The following HOMER2 variants were observed in gnomAD, a reference collection of about 807,000 sequenced individuals.
The protein encoded by HOMER2 is homer scaffold protein 2.
In HOMER2, 27 loss-of-function variants were observed where a neutral mutation model predicts 47.0. The observed-to-expected ratio is 0.57, with a 90% CI of 0.42 to 0.79. The LOEUF is 0.79. HOMER2 is among the 30% of genes least tolerant of loss of function. HOMER2 has a pLI of 0.00. For synonymous variants in HOMER2, 161 were observed against 163.8 expected, an observed-to-expected ratio of 0.98 and a Z score of 0.13; for missense variants, 443 against 435.0, an observed-to-expected ratio of 1.02 and a Z score of -0.16.
At chr15:82,956,186 G>A (rs145305390), upstream of HOMER2, among the ~76,000 whole-genome samples, 290 of 150,146 alleles carry the variant, frequency 1.9e-3, 2 homozygotes, top group Middle Eastern at 0.021. Context: ...GTTGCAGTGA[G>A]CTGAGATTGC....
At chr15:82,882,139 G>A (rs1224717982) in intron 2 of HOMER2, among the ~76,000 whole-genome samples, 1 of 152,228 alleles carries the variant, frequency 6.6e-6, no homozygotes, top group Admixed American at 6.5e-5. Context: ...GCAGTGCTCT[G>A]AGAAGCTGGG....
intron 1 of HOMER2, among the ~76,000 whole-genome samples, chr15:82,936,254 C>A (rs1054692588): frequency 4.6e-5 from 7 of 152,208 alleles, no homozygotes; most frequent in Non-Finnish European, 8.8e-5. Flanking sequence ...CATCTCACAA[C>A]CACACATTCT....
upstream of HOMER2, chr15:82,986,122 T>C: frequency 2.0e-6 from 2 of 985,042 alleles, no homozygotes; most frequent in South Asian, 9.4e-5. Context: ...GAAGAAGCGA[T>C]CTGTTGCAAA....
At chr15:82,919,514 A>G (rs2053675558) in intron 1 of HOMER2, among the ~76,000 whole-genome samples, 1 of 152,160 alleles carries the variant, frequency 6.6e-6, no homozygotes. Context: ...ATAATAATCC[A>G]ATTATCCAAC....
At chr15:82,922,103 G>A (rs1481984467) in intron 1 of HOMER2, among the ~76,000 whole-genome samples, 1 of 152,138 alleles carries the variant, frequency 6.6e-6, no homozygotes, top group African/African-American at 2.4e-5. Flanking sequence ...TCCTATTGGT[G>A]GGAGGTTGGA....
At chr15:82,972,454 C>A (rs1220281169) in intron 1 of HOMER2, among the ~76,000 whole-genome samples, 1 of 152,136 alleles carries the variant, frequency 6.6e-6, no homozygotes, top group Non-Finnish European at 1.5e-5. Flanking sequence ...ATAGAAAATT[C>A]TTCTCCTGCC....
At chr15:82,908,259 ATGTATATTATGTGAAT>A (rs979696054) in intron 1 of HOMER2, among the ~76,000 whole-genome samples, 8 of 152,166 alleles carry the variant, frequency 5.3e-5, no homozygotes, top group East Asian at 1.9e-4. Flanking sequence ...TGTATAATGA[ATGTATATTATGTGAAT>A]TGTATATTAT....
intron 2 of HOMER2, among the ~76,000 whole-genome samples, chr15:82,880,233 T>C (rs1437170983): frequency 6.6e-6 from 1 of 152,244 alleles, no homozygotes; most frequent in Non-Finnish European, 1.5e-5. Flanking sequence ...AAGAGTCAAA[T>C]ATCTGCAGCA....
At chr15:82,889,396 G>T (rs1260532488) in intron 2 of HOMER2, among the ~76,000 whole-genome samples, 7 of 152,250 alleles carry the variant, frequency 4.6e-5, no homozygotes, top group African/African-American at 1.7e-4. Context: ...TGGGTAGCCA[G>T]TGAACATGGA....
intron 1 of HOMER2, among the ~76,000 whole-genome samples, chr15:82,944,974 C>T (rs143246996): frequency 2.0e-5 from 3 of 152,038 alleles, no homozygotes; most frequent in African/African-American, 7.2e-5. Context: ...ATTACTCGGC[C>T]CTGATATTTC....
intron 1 of HOMER2, among the ~76,000 whole-genome samples, chr15:82,935,151 G>A (rs1488185008): frequency 2.0e-5 from 3 of 152,042 alleles, no homozygotes; most frequent in South Asian, 2.1e-4. Flanking sequence ...GCTTCCCTCC[G>A]CACCTGCGCC....
intron 1 of HOMER2, among the ~76,000 whole-genome samples, chr15:82,946,889 C>T (rs774099451): frequency 4.6e-5 from 7 of 152,326 alleles, no homozygotes; most frequent in East Asian, 1.9e-4. Context: ...CAATGTACCA[C>T]GGCATCTTTC....
intron 1 of HOMER2, among the ~76,000 whole-genome samples, chr15:82,894,216 G>A (rs562692042): frequency 2.0e-5 from 3 of 152,052 alleles, no homozygotes; most frequent in Non-Finnish European, 2.9e-5. Flanking sequence ...TTGACAATAC[G>A]CATTTAGAAA....
chr15:82,875,393 G>A lies in HOMER2; in HGVS notation c.174C>T (p.Asn58=), dbSNP rs1277428785. ...ISVDGAKVII[N]STITPNMTFT... ...AGGTCATATTCGGTGTGATTGTGCT[G>A]TTTATGATCACCTGCAGAAAAACAG... The change falls in exon 3 of 9, where the codon AAC becomes AAT. Residue 58 remains asparagine (N), a synonymous_variant. Coordinates refer to ENST00000450735, the MANE Select transcript of HOMER2 (RefSeq NM_004839.4). 2.5e-6 allele frequency: 4 copies of A among 1,613,872 alleles called. No individual in the cohort carries two copies. The highest frequency in any genetic ancestry group is 3.4e-6 in the Non-Finnish European group (4 of 1,179,838).
intron 2 of HOMER2, among the ~76,000 whole-genome samples, chr15:82,876,926 G>A (rs777364106): frequency 2.0e-5 from 3 of 152,028 alleles, no homozygotes; most frequent in Non-Finnish European, 4.4e-5. Flanking sequence ...CATTGCTCTT[G>A]CTAGATCTAC....
chr15:82,893,046 T>C (rs1269446198), intron 1 of HOMER2, among the ~76,000 whole-genome samples: 1 of 152,186 alleles, frequency 6.6e-6, no homozygotes, highest in African/African-American at 2.4e-5. Flanking sequence ...TCCACTTAGC[T>C]GTTATCCCGA....
chr15:82,855,058 C>T (rs779573578), intron 5 of HOMER2, among the ~76,000 whole-genome samples: 4 of 152,194 alleles, frequency 2.6e-5, no homozygotes, highest in South Asian at 4.1e-4. Flanking sequence ...ATTCTTGGGC[C>T]GGACGCAGTG....
At chr15:82,910,221 A>T (rs2053414447) in intron 1 of HOMER2, among the ~76,000 whole-genome samples, 1 of 151,830 alleles carries the variant, frequency 6.6e-6, no homozygotes, top group Non-Finnish European at 1.5e-5. Context: ...CATCTCAAAT[A>T]CACATTAAAA....
intron 1 of HOMER2, chr15:82,898,281 G>C: frequency 6.6e-6 from 1 of 152,204 alleles, no homozygotes. Context: ...TTCCTCCAGT[G>C]TGCAAATCAA....
Sources: allele counts gnomAD v4.1 joint callset (sites outside exome capture counted in the v4.1 genomes callset), GRCh38; gene constraint gnomAD v4.1.1; transcripts MANE v1.5; gene names NCBI Gene and HGNC (gene_info 2026-07-23, HGNC 2026-07-21).